KCND2: variants seen among roughly 807,000 people sequenced by gnomAD.
The protein encoded by KCND2 is potassium voltage-gated channel subfamily D member 2.
Under a neutral mutation model 54.4 loss-of-function variants are expected in KCND2, and 16 were observed. The observed-to-expected ratio is 0.29, with a 90% CI of 0.20 to 0.45. KCND2 has a LOEUF of 0.45. Among genes scored for constraint, KCND2 ranks in the 20% least tolerant of loss-of-function variants. The probability of loss-of-function intolerance (pLI) is 1.00; values close to 1 mark genes in which losing one functional copy is unlikely to be tolerated. For missense variants in KCND2, 486 were observed against 824.2 expected (o/e 0.59, Z 5.02); for synonymous variants, 317 against 310.7 (o/e 1.02, Z -0.21).
chr7:120,562,569 T>C (rs1248242219), intron 1 of KCND2, among the ~76,000 whole-genome samples: 3 of 152,170 alleles, frequency 2.0e-5, no homozygotes, highest in Non-Finnish European at 2.9e-5. Context: ...AAAGGATTTT[T>C]TTTTCTGAAT....
chr7:120,504,731 C>G (rs1300073965), intron 1 of KCND2, among the ~76,000 whole-genome samples: 2 of 151,758 alleles, frequency 1.3e-5, no homozygotes, highest in African/African-American at 4.8e-5. Context: ...GAAAGCTCTG[C>G]AAAGTATTAA....
At chr7:120,425,838 A>G (rs1428131740) in intron 1 of KCND2, among the ~76,000 whole-genome samples, 1 of 152,194 alleles carries the variant, frequency 6.6e-6, no homozygotes, top group Admixed American at 6.5e-5. Flanking sequence ...AATCATTTTG[A>G]CAGCTACACC....
intron 5 of KCND2, chr7:120,746,875 T>A (rs1158033703): frequency 6.6e-6 from 1 of 152,120 alleles, no homozygotes; most frequent in Admixed American, 6.6e-5. Flanking sequence ...ATTCAGGTGA[T>A]GTTGATTTAC....
intron 1 of KCND2, among the ~76,000 whole-genome samples, chr7:120,469,016 TAC>T (rs3067129): frequency 1.3e-3 from 201 of 149,430 alleles, no homozygotes; most frequent in East Asian, 3.1e-3. Flanking sequence ...ATGGTGTGGA[TAC>T]ACACACACAC....
chr7:120,379,193 A>G (rs1171142280), intron 1 of KCND2, among the ~76,000 whole-genome samples: 1 of 152,070 alleles, frequency 6.6e-6, no homozygotes, highest in African/African-American at 2.4e-5. Context: ...CAAACTTGAT[A>G]TTATAGTTAA....
chr7:120,629,970 T>A (rs1793212800), intron 1 of KCND2, among the ~76,000 whole-genome samples: 1 of 152,058 alleles, frequency 6.6e-6, no homozygotes, highest in Admixed American at 6.6e-5. Flanking sequence ...TAGCCTGGAG[T>A]TCAGGGAAGA....
intron 1 of KCND2, among the ~76,000 whole-genome samples, chr7:120,395,274 C>T (rs149703783): frequency 5.3e-4 from 80 of 152,048 alleles, no homozygotes; most frequent in African/African-American, 1.8e-3. Flanking sequence ...CTTTCCATAG[C>T]TATTATTTAA....
chr7:120,566,433 C>T (rs1270806228), intron 1 of KCND2, among the ~76,000 whole-genome samples: 1 of 152,104 alleles, frequency 6.6e-6, no homozygotes, highest in African/African-American at 2.4e-5. Context: ...GCCTCCACCT[C>T]CCAAGTTCAA....
At chr7:120,287,192 A>C (rs900558221) in intron 1 of KCND2, among the ~76,000 whole-genome samples, 2 of 152,128 alleles carry the variant, frequency 1.3e-5, no homozygotes, top group African/African-American at 2.4e-5. Flanking sequence ...ACCATATACA[A>C]ATTTTTATAA....
chr7:120,489,173 G>A (rs187119339), intron 1 of KCND2, among the ~76,000 whole-genome samples: 2 of 152,062 alleles, frequency 1.3e-5, no homozygotes, highest in East Asian at 3.9e-4. Context: ...TCTAGAACAT[G>A]TAGCATACAT....
intron 1 of KCND2, among the ~76,000 whole-genome samples, chr7:120,443,684 A>ATT (rs148084690): frequency 1.3e-5 from 2 of 148,696 alleles, no homozygotes; most frequent in African/African-American, 4.9e-5. Context: ...GTTAAGACTC[A>ATT]TTTTTTTTTT....
chr7:120,507,718 C>T (rs1803048483), intron 1 of KCND2, among the ~76,000 whole-genome samples: 1 of 151,862 alleles, frequency 6.6e-6, no homozygotes, highest in Non-Finnish European at 1.5e-5. Context: ...CCCTACACCT[C>T]CTGAATTTTC....
intron 1 of KCND2, among the ~76,000 whole-genome samples, chr7:120,591,550 G>A (rs936171556): frequency 7.9e-5 from 12 of 152,118 alleles, no homozygotes; most frequent in Admixed American, 4.6e-4. Context: ...AATACAATGT[G>A]TTTATACCCA....
At chr7:120,414,154 TA>T (rs1171308690) in intron 1 of KCND2, among the ~76,000 whole-genome samples, 2 of 152,094 alleles carry the variant, frequency 1.3e-5, no homozygotes, top group African/African-American at 4.8e-5. Flanking sequence ...GAGAATGGTA[TA>T]AGTGTGCCAT....
intron 1 of KCND2, among the ~76,000 whole-genome samples, chr7:120,463,110 ATTGT>A (rs1267334542): frequency 6.6e-6 from 1 of 152,018 alleles, no homozygotes; most frequent in Non-Finnish European, 1.5e-5. Context: ...AACTTTCTAG[ATTGT>A]TTGAGTATCC....
intron 1 of KCND2, among the ~76,000 whole-genome samples, chr7:120,591,799 G>C (rs760780652): frequency 5.1e-4 from 77 of 152,166 alleles, no homozygotes; most frequent in Admixed American, 6.5e-5. Context: ...AAGTAAAAGT[G>C]TGGTACTTGC....
chr7:120,419,225 G>A (rs1045958016), intron 1 of KCND2, among the ~76,000 whole-genome samples: 3 of 151,978 alleles, frequency 2.0e-5, no homozygotes, highest in Non-Finnish European at 2.9e-5. Flanking sequence ...TGAAATAAAA[G>A]GTCTACTACT....
chr7:120,399,701 C>CTTATTTAT lies in KCND2; in HGVS notation c.1115+123984_1115+123991dup, dbSNP rs140548387. Among the ~76,000 whole-genome samples the CTTATTTAT allele has an allele frequency of 8.6e-3, 1,277 of 148,408 alleles. 6 individuals are homozygous for CTTATTTAT. The highest frequency in any genetic ancestry group is 0.01 in the African/African-American group (405 of 40,274). Reference sequence around the variant, plus strand: ...TAACCCTAGCTAATTTTATTTTTACCTTATTTATTTATTTATTTATTTATT... The same window carrying CTTATTTAT: ...TAACCCTAGCTAATTTTATTTTTACCTTATTTATTTATTTATTTATTTATTTATTTATT... On this transcript the variant is annotated intron_variant, in intron 1 of 5. Coordinates refer to ENST00000331113, the MANE Select transcript of KCND2 (RefSeq NM_012281.3).
At chr7:120,455,106 G>A (rs1480488614) in intron 1 of KCND2, among the ~76,000 whole-genome samples, 3 of 151,722 alleles carry the variant, frequency 2.0e-5, no homozygotes, top group African/African-American at 7.3e-5. Context: ...TGGCCAAACT[G>A]CCCTAAAAAA....
Sources: gnomAD v4.1 joint callset for allele counts (sites outside exome capture counted in the v4.1 genomes callset) on GRCh38, gnomAD v4.1.1 for gene constraint, MANE v1.5 for transcripts, NCBI Gene and HGNC (gene_info 2026-07-23, HGNC 2026-07-21) for gene names.